Variants in TTC28 observed in about 807,000 individuals in gnomAD.
TTC28 encodes the protein tetratricopeptide repeat protein 28.
Under a neutral mutation model 198.0 loss-of-function variants are expected in TTC28, and 61 were observed. The ratio of observed to expected loss-of-function variants is 0.31; its 90% CI spans 0.25 to 0.38. The LOEUF (loss-of-function observed/expected upper bound fraction) is 0.38, where lower values mean the gene tolerates loss of function less well. TTC28 is among the 10% of genes least tolerant of loss of function. The pLI is 1.00. For missense variants in TTC28, 2,678 were observed against 3,164.0 expected (o/e 0.85, Z 3.69); for synonymous variants, 1,171 against 1,297.8 (o/e 0.90, Z 2.10).
At chr22:28,610,329 T>TA (rs2050799844) in intron 2 of TTC28, among the ~76,000 whole-genome samples, 1 of 152,124 alleles carries the variant, frequency 6.6e-6, no homozygotes, top group African/African-American at 2.4e-5. Flanking sequence ...AGACACCTCA[T>TA]ACAGGAAAGC....
chr22:28,260,635 C>T (rs1361591536), intron 5 of TTC28, among the ~76,000 whole-genome samples: 1 of 152,082 alleles, frequency 6.6e-6, no homozygotes, highest in Admixed American at 6.6e-5. Flanking sequence ...CTTTGCAAAA[C>T]AAAACAAACA....
Position 28,413,749 on chromosome 22 carries a change from T to TAA in TTC28, c.382-107108_382-107107dup, listed in dbSNP as rs5844809. Among the ~76,000 whole-genome samples, 919 of 151,716 alleles carry TAA rather than the reference T, an allele frequency of 6.1e-3. 6 individuals carry two copies. Among genetic ancestry groups the TAA allele is most frequent in the African/African-American group, 0.021 (870 of 41,364 alleles). On this transcript the variant is annotated intron_variant, in intron 2 of 22. Transcript: ENST00000397906. ...GTAAATTTCAATTAAGGCTAAAAGT[T>TAA]AAAAAAAAGGTGGTAACTTTCCACC... is the stretch of plus-strand genomic sequence containing the variant.
chr22:27,981,225 T>C lies in TTC28; in HGVS notation c.*996A>G, dbSNP rs945504771. On this transcript the variant is annotated 3_prime_UTR_variant, in exon 23 of 23. Coordinates refer to ENST00000397906, the MANE Select transcript of TTC28 (RefSeq NM_001145418.2). The stretch of plus-strand genomic sequence containing the variant: ...GATTCTGGTTAAATCTAGTTAGCCA[T>C]GGAAATTTTTTTTTTTTTTTTTTTT... 2 of 123,092 alleles carry C rather than the reference T, an allele frequency of 1.6e-5. No individual in the cohort carries two copies. The highest frequency in any genetic ancestry group is 3.2e-5 in the Non-Finnish European group (2 of 61,798). 7.6% of individuals were successfully genotyped at this position (123,092 alleles called of 1,614,324 possible).
intron 13 of TTC28, 57 bp from the exon 14 acceptor site, chr22:28,014,449 C>G: frequency 1.3e-6 from 2 of 1,485,904 alleles, no homozygotes; most frequent in Non-Finnish European, 1.8e-6. Context: ...CAAAGACTCA[C>G]CCTGGCCCTC....
At chr22:28,128,989 CAT>C (rs961538689) in intron 6 of TTC28, among the ~76,000 whole-genome samples, 1 of 152,184 alleles carries the variant, frequency 6.6e-6, no homozygotes, top group African/African-American at 2.4e-5. Context: ...GAACTGTGCT[CAT>C]AAAGATTGCA....
At chr22:28,293,077 C>T (rs1010560707) in intron 5 of TTC28, among the ~76,000 whole-genome samples, 9 of 152,142 alleles carry the variant, frequency 5.9e-5, no homozygotes, top group Non-Finnish European at 1.0e-4. Flanking sequence ...TTCAGGAATA[C>T]AGGGATAAAG....
At chr22:28,098,417 A>G (rs1378364889) in intron 10 of TTC28, among the ~76,000 whole-genome samples, 1 of 152,038 alleles carries the variant, frequency 6.6e-6, no homozygotes, top group African/African-American at 2.4e-5. Context: ...ACCAGACAAG[A>G]GACTTTGTTT....
chr22:28,180,223 C>A (rs776342787), intron 5 of TTC28, among the ~76,000 whole-genome samples: 1 of 152,164 alleles, frequency 6.6e-6, no homozygotes, highest in Non-Finnish European at 1.5e-5. Flanking sequence ...TAATCAGCAA[C>A]TGAGCTGATG....
At chr22:28,328,168 A>T (rs2045560400) in intron 2 of TTC28, among the ~76,000 whole-genome samples, 1 of 152,238 alleles carries the variant, frequency 6.6e-6, no homozygotes, top group South Asian at 2.1e-4. Flanking sequence ...GAGGTAGCTC[A>T]TGTCTACAAT....
intron 1 of TTC28, among the ~76,000 whole-genome samples, chr22:28,669,204 A>G (rs1004998146): frequency 7.3e-6 from 1 of 137,560 alleles, no homozygotes; most frequent in Non-Finnish European, 1.6e-5. Flanking sequence ...CTAATGCTAG[A>G]TGACACATTA....
intron 1 of TTC28, among the ~76,000 whole-genome samples, chr22:28,660,972 C>T (rs111287467): frequency 3.3e-5 from 5 of 151,940 alleles, no homozygotes; most frequent in African/African-American, 1.2e-4. Context: ...TAGAATCATT[C>T]TTTTGCTATC....
At chr22:28,232,405 A>G (rs1405109214) in intron 5 of TTC28, among the ~76,000 whole-genome samples, 3 of 152,254 alleles carry the variant, frequency 2.0e-5, no homozygotes, top group Non-Finnish European at 4.4e-5. Context: ...AGGAGCTCAT[A>G]TCAAGGCCTA....
At chr22:28,201,180 A>AATTC (rs375425536) in intron 5 of TTC28, among the ~76,000 whole-genome samples, 4,824 of 152,032 alleles carry the variant, frequency 0.032, 121 homozygotes, top group African/African-American at 0.059. Flanking sequence ...TCAATCTTAA[A>AATTC]ATTCATTCAT....
rs1331059762 is a variant in TTC28, at chr22:28,629,833, A to G, written c.103-3T>C. 1.3e-6 allele frequency: 2 copies of G among 1,542,288 alleles called. No homozygotes were observed. Among genetic ancestry groups the G allele is most frequent in the African/African-American group, 1.4e-5 (1 of 72,528 alleles). ...GTGTCAGCACCAAAGAGAGGAATCT[A>G]CAAACAAAGAAACTTTATCAGAAAA... On this transcript the variant is annotated splice_region_variant and splice_polypyrimidine_tract_variant and intron_variant, in intron 1 of 22. Transcript: ENST00000397906.
intron 7 of TTC28, 71 bp from the exon 8 acceptor site, chr22:28,105,873 A>T: frequency 6.9e-7 from 1 of 1,451,926 alleles, no homozygotes; most frequent in East Asian, 2.5e-5. Flanking sequence ...GCCCCTGAGA[A>T]AATGAAAAGC....
In TTC28 at chr22:28,281,323, C is replaced by G. The variant is rs965604941; in HGVS notation, c.933+14875G>C. Among the ~76,000 whole-genome samples the G allele has an allele frequency of 2.6e-5, 4 of 152,108 alleles. No individual in the cohort carries two copies. The East Asian group carries it at 5.8e-4, about 22-fold the overall frequency. On this transcript the variant is annotated intron_variant, in intron 5 of 22. Coordinates refer to ENST00000397906, the MANE Select transcript of TTC28 (RefSeq NM_001145418.2). ...TTCTCTCTGATTTTCAGATTGGATA[C>G]TTTCCATTGATCTGTCTTCAAGTTC... is the stretch of plus-strand genomic sequence containing the variant.
Position 28,525,238 on chromosome 22 carries a change from G to A in TTC28, c.381+104314C>T, listed in dbSNP as rs372417955. On this transcript the variant is annotated intron_variant, in intron 2 of 22. Coordinates refer to ENST00000397906, the MANE Select transcript of TTC28 (RefSeq NM_001145418.2). ...AATCATGGCTCACTGTATGTACCTC[G>A]ACCTCCCAGGTTCAACTAATCCTCC... Among the ~76,000 whole-genome samples the A allele has an allele frequency of 2.8e-4, 43 of 152,128 alleles. No homozygotes were observed. In the East Asian group the frequency reaches 7.9e-3, roughly 28 times the overall value.
intron 2 of TTC28, among the ~76,000 whole-genome samples, chr22:28,579,892 C>T (rs144774589): frequency 2.6e-5 from 4 of 152,150 alleles, no homozygotes; most frequent in Non-Finnish European, 5.9e-5. Context: ...ACCACTTGAA[C>T]CCCGGAGACA....
At chr22:28,430,864 T>C (rs985014539) in intron 2 of TTC28, among the ~76,000 whole-genome samples, 2 of 148,606 alleles carry the variant, frequency 1.3e-5, no homozygotes, top group Non-Finnish European at 3.0e-5. Context: ...CCAGCCAAAC[T>C]GAGATTCCTT....
Sources: gnomAD v4.1 joint callset for allele counts (sites outside exome capture counted in the v4.1 genomes callset) on GRCh38, gnomAD v4.1.1 for gene constraint, MANE v1.5 for transcripts, NCBI Gene and HGNC (gene_info 2026-07-23, HGNC 2026-07-21) for gene names.